ELF1: variants seen among roughly 807,000 people sequenced by gnomAD.
ELF1 encodes ETS-related transcription factor Elf-1.
ELF1 carries 24 observed loss-of-function variants against 59.9 expected under a neutral mutation model. That is an observed-to-expected ratio of 0.40 (90% CI 0.29 to 0.56). ELF1 has a LOEUF of 0.56. Ranked by LOEUF, ELF1 falls within the 20% of genes least tolerant of loss-of-function variation. The pLI, the probability that ELF1 is intolerant of heterozygous loss-of-function variation, is 0.44. For missense variants in ELF1, 627 were observed against 742.2 expected (o/e 0.84, Z 1.80); for synonymous variants, 248 against 266.2 (o/e 0.93, Z 0.67).
At chr13:40,962,416 C>T (rs1380435016) in intron 2 of ELF1, among the ~76,000 whole-genome samples, 1 of 151,886 alleles carries the variant, frequency 6.6e-6, no homozygotes, top group East Asian at 1.9e-4. Context: ...GGAGTGGTGG[C>T]TCATGTCTGC....
At chr13:40,955,406 A>G (rs113780118) in intron 3 of ELF1, among the ~76,000 whole-genome samples, 68,116 of 121,066 alleles carry the variant, frequency 0.56, 22,308 homozygotes, top group Non-Finnish European at 0.7. Context: ...CCAGCTGCCC[A>G]TCCGGGAAGG....
chr13:41,029,907 T>C (rs1876097539), intron 1 of ELF1, among the ~76,000 whole-genome samples: 1 of 152,196 alleles, frequency 6.6e-6, no homozygotes, highest in African/African-American at 2.4e-5. Context: ...CAGAGTTCAG[T>C]TCTGAACACA....
chr13:40,943,475 A>T (rs533491989), intron 6 of ELF1, among the ~76,000 whole-genome samples: 20 of 152,292 alleles, frequency 1.3e-4, no homozygotes, highest in African/African-American at 4.8e-4. Context: ...TTTAGATTAG[A>T]GCCAGCAGGT....
In ELF1 at chr13:41,036,176, A is replaced by G. The variant is rs549216110; in HGVS notation, c.-229+24662T>C. 3.3e-5 allele frequency among the ~76,000 whole-genome samples: 5 copies of G among 152,170 alleles called. No homozygotes were observed. In the South Asian group the frequency reaches 8.3e-4, roughly 25 times the overall value. On this transcript the variant is annotated intron_variant, in intron 1 of 1. Transcript: ENST00000405737. ...CGTGATCCACCCGTCTCGGCCTCCC[A>G]AAGGGCTGGGATTACAGGCATGAGC...
At chr13:41,038,882 G>A (rs1400021548) in intron 1 of ELF1, among the ~76,000 whole-genome samples, 1 of 151,700 alleles carries the variant, frequency 6.6e-6, no homozygotes, top group Non-Finnish European at 1.5e-5. Flanking sequence ...CAGACGTGGT[G>A]GTAGACACCT....
chr13:40,955,373 G>C lies in ELF1; in HGVS notation c.253+3463C>G, dbSNP rs1163040102. Among the ~76,000 whole-genome samples, 692 of 141,780 alleles carry C rather than the reference G, an allele frequency of 4.9e-3. 19 individuals carry two copies. Among genetic ancestry groups the C allele is most frequent in the South Asian group, 0.013 (56 of 4,344 alleles). 93.0% of individuals were successfully genotyped at this position (141,780 alleles called of 152,430 possible). A position where few individuals can be genotyped will look rare whatever the true frequency, so the allele number is the denominator to read the frequency against. On this transcript the variant is annotated intron_variant, in intron 3 of 8. Coordinates refer to ENST00000239882, the MANE Select transcript of ELF1 (RefSeq NM_172373.4). ...CAGCCGCCCCATCCGGGAGGGAGAT[G>C]GGGGGGTCATCCCCCTGCCCGGCCA...
chr13:41,005,154 G>C (rs1204996145), intron 1 of ELF1, among the ~76,000 whole-genome samples: 1 of 152,032 alleles, frequency 6.6e-6, no homozygotes, highest in Admixed American at 6.6e-5. Context: ...AAGTACAGTA[G>C]CACAAACATA....
In ELF1 at chr13:41,060,941, CGCCGCTGCT is replaced by C. The variant is rs765066094; in HGVS notation, c.-341_-333del. 3.0e-4 allele frequency: 71 copies of C among 240,464 alleles called. No individual in the cohort carries two copies. The Middle Eastern group carries it at 3.6e-3, about 12-fold the overall frequency. 14.9% of individuals were successfully genotyped at this position (240,464 alleles called of 1,614,324 possible). A position where few individuals can be genotyped will look rare whatever the true frequency, so the allele number is the denominator to read the frequency against. On this transcript the variant is annotated 5_prime_UTR_variant, in exon 1 of 2. Transcript: ENST00000405737. ...CCGCCGCCGCCGCCGCCGCCGCCGC[CGCCGCTGCT>C]GCTGCCCACACGCTCCCGAGCTAGG...
chr13:40,997,979 C>G (rs1874210752), intron 1 of ELF1, among the ~76,000 whole-genome samples: 1 of 151,996 alleles, frequency 6.6e-6, no homozygotes, highest in Admixed American at 6.6e-5. Flanking sequence ...GGTGAAACCT[C>G]ATCTCTACAA....
intron 1 of ELF1, among the ~76,000 whole-genome samples, chr13:41,005,103 T>G (rs1221444510): frequency 1.3e-5 from 2 of 152,174 alleles, no homozygotes; most frequent in Non-Finnish European, 2.9e-5. Context: ...CTTTATGTCT[T>G]GTTTTATAAA....
intron 2 of ELF1, among the ~76,000 whole-genome samples, chr13:40,972,217 T>C (rs938694195): frequency 2.6e-5 from 4 of 152,132 alleles, no homozygotes; most frequent in Admixed American, 6.5e-5. Context: ...TTAGCTACAA[T>C]AGAGTCTCTC....
intron 8 of ELF1, among the ~76,000 whole-genome samples, chr13:40,940,504 G>A (rs1352958519): frequency 4.0e-5 from 6 of 149,766 alleles, no homozygotes; most frequent in Admixed American, 1.3e-4. Context: ...AGAATTGTTC[G>A]AAGATAGGAT....
intron 2 of ELF1, among the ~76,000 whole-genome samples, chr13:40,976,903 G>C (rs372491067): frequency 6.6e-6 from 1 of 152,140 alleles, no homozygotes; most frequent in African/African-American, 2.4e-5. Flanking sequence ...ACACCCTAGA[G>C]AGGAAAGTGC....
At chr13:40,980,322 A>T (rs747757265) in intron 2 of ELF1, among the ~76,000 whole-genome samples, 3 of 152,198 alleles carry the variant, frequency 2.0e-5, no homozygotes, top group Non-Finnish European at 4.4e-5. Flanking sequence ...AATACTTATA[A>T]AATCCTTATA....
intron 2 of ELF1, among the ~76,000 whole-genome samples, chr13:40,981,087 T>G (rs986823717): frequency 6.0e-5 from 9 of 149,654 alleles, no homozygotes; most frequent in Non-Finnish European, 1.2e-4. Flanking sequence ...GTAACTATGT[T>G]TCCAGAATAA....
intron 5 of ELF1, among the ~76,000 whole-genome samples, chr13:40,946,010 A>AT (rs1347809330): frequency 1.3e-5 from 2 of 151,972 alleles, no homozygotes; most frequent in South Asian, 2.1e-4. Flanking sequence ...TGCCTGGCTA[A>AT]TTTTTTTCCA....
upstream of ELF1, among the ~76,000 whole-genome samples, chr13:41,021,360 G>C (rs970026500): frequency 3.3e-5 from 5 of 152,116 alleles, no homozygotes; most frequent in African/African-American, 1.2e-4. Context: ...TGTTCCTAAG[G>C]AGATGACTCC....
chr13:41,056,870 C>T (rs563339045), intron 1 of ELF1, among the ~76,000 whole-genome samples: 1 of 152,126 alleles, frequency 6.6e-6, no homozygotes, highest in South Asian at 2.1e-4. Flanking sequence ...TGCAGAGCTA[C>T]AGGGGGAATA....
chr13:40,941,793 G>A (rs1368780375), intron 7 of ELF1, among the ~76,000 whole-genome samples: 1 of 152,094 alleles, frequency 6.6e-6, no homozygotes, highest in Non-Finnish European at 1.5e-5. Flanking sequence ...CAGTAGCTGG[G>A]ACCACAGGCG....
Sources: gnomAD v4.1 joint callset for allele counts (sites outside exome capture counted in the v4.1 genomes callset) on GRCh38, gnomAD v4.1.1 for gene constraint, MANE v1.5 for transcripts, NCBI Gene and HGNC (gene_info 2026-07-23, HGNC 2026-07-21) for gene names.